The following CRB2 variants were observed in gnomAD, a reference collection of about 807,000 sequenced individuals.
CRB2 encodes the protein crumbs cell polarity complex component 2.
A neutral mutation model predicts 110.9 loss-of-function variants in CRB2; 85 were observed. That is an observed-to-expected ratio of 0.77 (90% CI 0.64 to 0.92). The LOEUF is 0.92. Among genes scored for constraint, CRB2 ranks in the 40% least tolerant of loss-of-function variants. The pLI is 0.00. For missense variants in CRB2, 1,843 were observed against 1,851.3 expected (o/e 1.00, Z 0.08); for synonymous variants, 907 against 831.0 (o/e 1.09, Z -1.57).
In CRB2 at chr9:123,366,316, A is replaced by G; in HGVS notation, c.704A>G (p.Asn235Ser). 1 of 1,538,472 alleles carries G rather than the reference A, an allele frequency of 6.5e-7. No homozygotes were observed. Among genetic ancestry groups the G allele is most frequent in the Non-Finnish European group, 8.7e-7 (1 of 1,155,160 alleles). ...LECASAPCEH[N>S]ASCLEGLGSF... ...TGCGCATCGGCGCCCTGCGAGCACA[A>G]CGCGTCCTGCCTCGAGGGCCTCGGG... is the stretch of plus-strand genomic sequence containing the variant. The change falls in exon 4 of 13, where the codon AAC becomes AGC. Residue 235 changes from asparagine to serine, a missense_variant. Physicochemically the swap from Asn to Ser is conservative, Grantham distance 46. Transcript: ENST00000373631.
intron 5 of CRB2, 70 bp from the exon 6 acceptor site, chr9:123,367,503 A>G (rs1370133711): frequency 4.4e-6 from 6 of 1,368,718 alleles, no homozygotes; most frequent in Non-Finnish European, 6.0e-6. Context: ...CTCTAGCTAT[A>G]GAATGGACCC....
At position 123,370,920 on chromosome 9, in the gene CRB2, C is replaced by G; in HGVS notation, c.1867C>G (p.Leu623Val). 1 of 1,612,594 alleles carries G rather than the reference C, an allele frequency of 6.2e-7. No individual in the cohort carries two copies. The highest frequency in any genetic ancestry group is 8.5e-7 in the Non-Finnish European group (1 of 1,179,322). The change falls in exon 7 of 13, where the codon CTG (leucine) becomes GTG (valine). Residue 623 changes from leucine (L) to valine (V), a missense_variant. By Grantham distance (32) the Leu-to-Val change is conservative. Transcript: ENST00000373631. ...TGTCCACGGAGGGTCCTGTGTGGAT[C>G]TGTGGACTCATTTCCGTTGCGACTG... ...PCVHGGSCVD[L>V]WTHFRCDCAR...
chr9:123,375,234 T>G lies in CRB2; in HGVS notation c.3524T>G (p.Leu1175Arg), dbSNP rs2042085128. Residue 1175 changes from leucine to arginine, a missense_variant, in exon 12 of 13, where the codon CTC becomes CGC. Transcript: ENST00000373631. ...CTCTCCAGGTGTCAGGTCCCCACTC[T>G]CCCCTGTGAAGCCAACCCCTGCTTG... ...LAGQRCQVPT[L>R]PCEANPCLNG... The G allele has an allele frequency of 6.2e-7, 1 of 1,612,310 alleles. No homozygotes were observed. The highest frequency in any genetic ancestry group is 1.3e-5 in the African/African-American group (1 of 74,842).
chr9:123,357,455 A>T (rs965379253), intron 1 of CRB2, among the ~76,000 whole-genome samples: 2 of 151,978 alleles, frequency 1.3e-5, no homozygotes, highest in Non-Finnish European at 2.9e-5. Context: ...GGGGACCCTC[A>T]TGTTTCCCGC....
chr9:123,367,512 C>T lies in CRB2; in HGVS notation c.941-61C>T, dbSNP rs1488436861. On this transcript the variant is annotated intron_variant, in intron 5 of 12. Coordinates refer to ENST00000373631, the MANE Select transcript of CRB2 (RefSeq NM_173689.7). ...CAGTCTCTCTAGCTATAGAATGGAC[C>T]CTCTCAGCCCCTGCCTGGCTCTGAG... 4.9e-6 allele frequency: 7 copies of T among 1,431,964 alleles called. No individual in the cohort carries two copies. The African/African-American group carries it at 5.7e-5, about 12-fold the overall frequency. 88.7% of individuals were successfully genotyped at this position (1,431,964 alleles called of 1,614,324 possible). A position where few individuals can be genotyped will look rare whatever the true frequency, so the allele number is the denominator to read the frequency against.
At chr9:123,355,389 G>T (rs141202981), upstream of CRB2, among the ~76,000 whole-genome samples, 1 of 151,952 alleles carries the variant, frequency 6.6e-6, no homozygotes, top group African/African-American at 2.4e-5. Flanking sequence ...CAGTGAGGTC[G>T]CTGGAGTTGC....
Position 123,377,269 on chromosome 9 carries a change from C to T in CRB2, c.*207C>T, listed in dbSNP as rs896912548. On this transcript the variant is annotated 3_prime_UTR_variant, in exon 13 of 13. Coordinates refer to ENST00000373631, the MANE Select transcript of CRB2 (RefSeq NM_173689.7). ...GGCCTAGAGAGGCTGCGGACTTCTC[C>T]ATCCCACCCTCGGGGTTCCGCCTTG... 2 of 575,550 alleles carry T rather than the reference C, an allele frequency of 3.5e-6. No individual in the cohort carries two copies. Among genetic ancestry groups the T allele is most frequent in the Non-Finnish European group, 3.0e-6 (1 of 328,418 alleles). 35.7% of individuals were successfully genotyped at this position (575,550 alleles called of 1,614,324 possible). A position where few individuals can be genotyped will look rare whatever the true frequency, so the allele number is the denominator to read the frequency against.
chr9:123,379,362 C>T (rs1030532997), downstream of CRB2, among the ~76,000 whole-genome samples: 6 of 152,248 alleles, frequency 3.9e-5, no homozygotes, highest in African/African-American at 1.2e-4. Context: ...GAACTCTTTC[C>T]TGGCTCCTGG....
rs754806385 is a variant in CRB2 at position 123,371,493 on chromosome 9, T to C, written c.2351T>C (p.Leu784Pro). 2 of 1,613,102 alleles carry C rather than the reference T, an allele frequency of 1.2e-6. No individual in the cohort carries two copies. Among genetic ancestry groups the C allele is most frequent in the Admixed American group, 1.7e-5 (1 of 59,986 alleles). The part of the protein sequence containing the change: ...GCHLPFFPLP[L>P]DNSSQPSELG... ...CACCTCCCCTTCTTTCCTCTGCCAC[T>C]GGATAACTCAAGCCAGCCCAGCGAG... The change falls in exon 8 of 13, where the codon CTG becomes CCG. Residue 784 changes from leucine (L) to proline (P), a missense_variant. Coordinates refer to ENST00000373631, the MANE Select transcript of CRB2 (RefSeq NM_173689.7).
chr9:123,368,144 A>G (rs2132765347), intron 6 of CRB2, among the ~76,000 whole-genome samples: 1 of 151,960 alleles, frequency 6.6e-6, no homozygotes, highest in Middle Eastern at 3.4e-3. Flanking sequence ...GAGCCCAGGG[A>G]GCTCCACCGC....
At chr9:123,361,802 A>G (rs970402487) in intron 1 of CRB2, among the ~76,000 whole-genome samples, 10 of 152,344 alleles carry the variant, frequency 6.6e-5, no homozygotes, top group Admixed American at 3.3e-4. Flanking sequence ...TGACTTACCC[A>G]GGGTCTCATA....
intron 2 of CRB2, among the ~76,000 whole-genome samples, chr9:123,364,392 G>A (rs1283738272): frequency 6.6e-6 from 1 of 152,216 alleles, no homozygotes; most frequent in Non-Finnish European, 1.5e-5. Flanking sequence ...GCATCCGGAT[G>A]TGTAGCACTC....
chr9:123,373,392 G>A lies in CRB2; in HGVS notation c.2861G>A (p.Gly954Asp). ...ATACCGGGGCCGCGCGTGGCCGATGGTGCCTGGCACCGCGTGCGTCTGGCC... is the reference window on the plus strand; with the variant it reads ...ATACCGGGGCCGCGCGTGGCCGATGATGCCTGGCACCGCGTGCGTCTGGCC... ...LPIPGPRVADGAWHRVRLAME... is the reference protein window; with the variant it reads ...LPIPGPRVADDAWHRVRLAME... Residue 954 changes from glycine (G) to aspartate (D), a missense_variant, in exon 10 of 13, where the codon GGT becomes GAT. By Grantham distance (94) the Gly-to-Asp change is moderately conservative (BLOSUM62 -1). Transcript: ENST00000373631. 1 of 1,439,232 alleles carries A rather than the reference G, an allele frequency of 6.9e-7. No individual in the cohort carries two copies. Among genetic ancestry groups the A allele is most frequent in the East Asian group, 3.1e-5 (1 of 32,306 alleles). 89.2% of individuals were successfully genotyped at this position (1,439,232 alleles called of 1,614,324 possible).
At chr9:123,361,469 C>T (rs2041868082) in intron 1 of CRB2, among the ~76,000 whole-genome samples, 1 of 152,140 alleles carries the variant, frequency 6.6e-6, no homozygotes, top group Non-Finnish European at 1.5e-5. Flanking sequence ...GCGGATGACG[C>T]CTGAGAGGCT....
chr9:123,356,258 G>T lies in CRB2; in HGVS notation c.-3G>T. The T allele has an allele frequency of 6.6e-7, 1 of 1,505,844 alleles. No individual in the cohort carries two copies. The highest frequency in any genetic ancestry group is 8.8e-7 in the Non-Finnish European group (1 of 1,131,508). 93.3% of individuals were successfully genotyped at this position (1,505,844 alleles called of 1,614,324 possible). ...AGCCGAGCAGAGCGCAGAGCGGGCT[G>T]CCATGGCGCTGGCCAGGCCTGGGAC... On this transcript the variant is annotated 5_prime_UTR_variant, in exon 1 of 13. Transcript: ENST00000373631.
In CRB2 at chr9:123,373,261, GCGTGC is replaced by G; in HGVS notation, c.2733_2737del (p.Ala912GlyfsTer79). ...CGCGCGACTCCGAGGCCTGGCTGCT[GCGTGC>G]CGCGGCGGGCGCCCTGGAAGGCGTG... On this transcript the variant is annotated frameshift_variant, in exon 10 of 13. Coordinates refer to ENST00000373631, the MANE Select transcript of CRB2 (RefSeq NM_173689.7). LOFTEE classifies it high-confidence loss of function. 1.3e-6 allele frequency: 2 copies of G among 1,487,378 alleles called. No individual in the cohort carries two copies. The highest frequency in any genetic ancestry group is 1.8e-6 in the Non-Finnish European group (2 of 1,127,910). 92.1% of individuals were successfully genotyped at this position (1,487,378 alleles called of 1,614,324 possible).
chr9:123,363,262 G>A, intron 2 of CRB2, 74 bp downstream of exon 2: 1 of 1,456,424 alleles, frequency 6.9e-7, no homozygotes, highest in Non-Finnish European at 9.2e-7. Flanking sequence ...TAAGCATCAT[G>A]GCTTCAGCTT....
Position 123,367,161 on chromosome 9 carries a change from T to C in CRB2, c.755-11T>C, listed in dbSNP as rs1289955447. 1 of 1,573,828 alleles carries C rather than the reference T, an allele frequency of 6.4e-7. No individual in the cohort carries two copies. Among genetic ancestry groups the C allele is most frequent in the African/African-American group, 1.4e-5 (1 of 73,488 alleles). ...CCGTGAGACCTGATGTCCGCGTGTGTGTGCCCCCAGGCTACAGCGGCGAGC... is the reference window on the plus strand; with the variant it reads ...CCGTGAGACCTGATGTCCGCGTGTGCGTGCCCCCAGGCTACAGCGGCGAGC... On this transcript the variant is annotated splice_polypyrimidine_tract_variant and intron_variant, in intron 4 of 12. Transcript: ENST00000373631.
Position 123,372,347 on chromosome 9 carries a change from G to C in CRB2, c.2602+5G>C, listed in dbSNP as rs1251818930. The C allele has an allele frequency of 1.9e-6, 3 of 1,587,654 alleles. No individual in the cohort carries two copies. Among genetic ancestry groups the C allele is most frequent in the South Asian group, 1.2e-5 (1 of 85,262 alleles). On this transcript the variant is annotated splice_donor_5th_base_variant and intron_variant, in intron 9 of 12. Transcript: ENST00000373631. ...AGGTCCCTGATGGCTTTGTGTGTGA[G>C]TGTGTGTCCTGGGCAGCTCCCGTGC...
Sources: gnomAD v4.1 joint callset for allele counts (sites outside exome capture counted in the v4.1 genomes callset) on GRCh38, gnomAD v4.1.1 for gene constraint, MANE v1.5 for transcripts, NCBI Gene and HGNC (gene_info 2026-07-23, HGNC 2026-07-21) for gene names.